Variants in DYNC2H1 observed in about 807,000 individuals in gnomAD.
The protein encoded by DYNC2H1 is dynein cytoplasmic 2 heavy chain 1.
DYNC2H1 carries 410 observed loss-of-function variants against 570.0 expected under a neutral mutation model. The ratio of observed to expected loss-of-function variants is 0.72; its 90% CI spans 0.66 to 0.78. The LOEUF (loss-of-function observed/expected upper bound fraction) is 0.78. Ranked by LOEUF, DYNC2H1 falls within the 30% of genes least tolerant of loss-of-function variation. The pLI is 0.00. For missense variants in DYNC2H1, 4,865 were observed against 5,046.4 expected (o/e 0.96, Z 1.09); for synonymous variants, 1,688 against 1,677.6 (o/e 1.01, Z -0.15).
chr11:103,187,778 C>T (rs545857903), intron 43 of DYNC2H1, among the ~76,000 whole-genome samples, 192 bp downstream of exon 43: 5 of 152,162 alleles, frequency 3.3e-5, no homozygotes, highest in South Asian at 4.1e-4. Flanking sequence ...GTTAGTATTA[C>T]GTCAGGATAA....
chr11:103,147,817 G>A lies in DYNC2H1; in HGVS notation c.2748G>A (p.Lys916=). ...DCLNINCNPV[K]TVIDDLIQKL... The stretch of plus-strand genomic sequence containing the variant: ...TAAATATTAATTGCAACCCTGTGAA[G>A]ACTGTGATTGATGATCTCATCCAGA... The change falls in exon 19 of 89, where the codon AAG becomes AAA. Residue 916 remains lysine (K), a synonymous_variant. Coordinates refer to ENST00000375735, the MANE Select transcript of DYNC2H1 (RefSeq NM_001377.3). 1.2e-6 allele frequency: 2 copies of A among 1,611,856 alleles called. No individual in the cohort carries two copies. The highest frequency in any genetic ancestry group is 2.2e-5 in the East Asian group (1 of 44,666).
intron 58 of DYNC2H1, 130 bp downstream of exon 58, chr11:103,222,283 G>T (rs756094473): frequency 8.1e-6 from 5 of 620,322 alleles, no homozygotes; most frequent in African/African-American, 1.9e-5. Context: ...AAGCTTATAG[G>T]AATTACACTT....
At chr11:103,387,344 GGTTC>G (rs1292773011) in intron 83 of DYNC2H1, among the ~76,000 whole-genome samples, 1 of 152,006 alleles carries the variant, frequency 6.6e-6, no homozygotes, top group African/African-American at 2.4e-5. Flanking sequence ...TTGTTGATGG[GGTTC>G]TTTGTTTTTC....
intron 70 of DYNC2H1, among the ~76,000 whole-genome samples, chr11:103,270,332 G>C (rs186423942): frequency 5.3e-5 from 8 of 152,132 alleles, no homozygotes; most frequent in Non-Finnish European, 1.0e-4. Flanking sequence ...ACTGTAGATA[G>C]TACCAAACCC....
Position 103,129,065 on chromosome 11 carries a change from A to G in DYNC2H1, c.1953+60A>G. The G allele has an allele frequency of 1.4e-6, 2 of 1,416,884 alleles. No homozygotes were observed. Among genetic ancestry groups the G allele is most frequent in the Non-Finnish European group, 1.9e-6 (2 of 1,032,162 alleles). 87.8% of individuals were successfully genotyped at this position (1,416,884 alleles called of 1,614,324 possible). ...TTACATGTGAAGTGTTTAATTCTTAATTTTCCGGTGTTCCCTTCAGCTTAA... is the reference window on the plus strand; with the variant it reads ...TTACATGTGAAGTGTTTAATTCTTAGTTTTCCGGTGTTCCCTTCAGCTTAA... On this transcript the variant is annotated intron_variant, in intron 13 of 88. Coordinates refer to ENST00000375735, the MANE Select transcript of DYNC2H1 (RefSeq NM_001377.3). The surrounding 1 kb of genome is among the most constrained non-coding windows in gnomAD (Gnocchi z 4.1).
At chr11:103,247,025 A>G (rs560822120) in intron 65 of DYNC2H1, among the ~76,000 whole-genome samples, 2 of 138,814 alleles carry the variant, frequency 1.4e-5, no homozygotes, top group South Asian at 2.3e-4. Context: ...TTTGTTTCCT[A>G]TGTGCTTAGG....
intron 62 of DYNC2H1, 38 bp downstream of exon 62, chr11:103,235,851 T>C (rs1864198046): frequency 6.2e-7 from 1 of 1,604,120 alleles, no homozygotes; most frequent in Non-Finnish European, 8.5e-7. Context: ...AGAGTTTGTA[T>C]TTAGTTATTC....
intron 32 of DYNC2H1, 144 bp downstream of exon 32, chr11:103,169,104 A>G (rs1251242862): frequency 1.3e-6 from 1 of 798,926 alleles, no homozygotes; most frequent in East Asian, 3.0e-5. Context: ...AATCAGAATT[A>G]GAAAGGTGTC....
chr11:103,426,225 A>G (rs1943666635), intron 84 of DYNC2H1, among the ~76,000 whole-genome samples: 1 of 152,234 alleles, frequency 6.6e-6, no homozygotes, highest in African/African-American at 2.4e-5. Flanking sequence ...ATCTATAGAA[A>G]CAATGCTTAT....
Position 103,287,558 on chromosome 11 carries a change from C to A in DYNC2H1, c.11048C>A (p.Pro3683Gln). 1 of 1,610,966 alleles carries A rather than the reference C, an allele frequency of 6.2e-7. No homozygotes were observed. The highest frequency in any genetic ancestry group is 2.2e-5 in the East Asian group (1 of 44,740). ...ATTCTTGTAGTACAGGCGCTAAGAC[C>A]GGACAGATTGCAAAGTGCCATGGCT... ...QQILVVQALR[P>Q]DRLQSAMALF... The change falls in exon 75 of 89, where the codon CCG (proline) becomes CAG (glutamine). Residue 3683 changes from proline (P) to glutamine (Q), a missense_variant. Coordinates refer to ENST00000375735, the MANE Select transcript of DYNC2H1 (RefSeq NM_001377.3).
In DYNC2H1 at chr11:103,222,079, C is replaced by T. The variant is rs1485345396; in HGVS notation, c.9157C>T (p.Arg3053Ter). 2 of 1,608,152 alleles carry T rather than the reference C, an allele frequency of 1.2e-6. No homozygotes were observed. Among genetic ancestry groups the T allele is most frequent in the Non-Finnish European group, 1.7e-6 (2 of 1,176,498 alleles). The change falls in exon 58 of 89, where the codon CGA becomes TGA. Residue 3053 changes from arginine to a stop codon, truncating the protein, a stop_gained. Coordinates refer to ENST00000375735, the MANE Select transcript of DYNC2H1 (RefSeq NM_001377.3). LOFTEE classifies it high-confidence loss of function. ...AGAAGACATAGCAACCTTTGATGCC[C>T]GAAATATTTCAAAGGAAATAAGAGA... The part of the protein sequence containing the change: ...VREDIATFDA[R>*]NISKEIRESV...
intron 70 of DYNC2H1, among the ~76,000 whole-genome samples, chr11:103,273,923 C>A (rs1050229303): frequency 1.3e-5 from 2 of 152,002 alleles, no homozygotes; most frequent in African/African-American, 4.8e-5. Flanking sequence ...ATATTATGTG[C>A]CTATTTTTTG....
intron 22 of DYNC2H1, 58 bp from the exon 23 acceptor site, chr11:103,154,389 ATACT>A: frequency 2.2e-6 from 3 of 1,394,760 alleles, no homozygotes; most frequent in Non-Finnish European, 2.9e-6. Flanking sequence ...TAACTTAATG[ATACT>A]TAACAGTATC....
At chr11:103,187,687 T>C (rs555260328) in intron 43 of DYNC2H1, 101 bp downstream of exon 43, 1 of 1,397,682 alleles carries the variant, frequency 7.2e-7, no homozygotes, top group African/African-American at 1.5e-5. Context: ...GCCAGTTTTA[T>C]CTAGCATTTG....
chr11:103,234,044 A>G lies in DYNC2H1; in HGVS notation c.9451A>G (p.Arg3151Gly), dbSNP rs1375999872. 2 of 1,555,590 alleles carry G rather than the reference A, an allele frequency of 1.3e-6. No homozygotes were observed. The highest frequency in any genetic ancestry group is 1.7e-6 in the Non-Finnish European group (2 of 1,148,748). ...TTAATGTTTACATAGATTTCAGAGC[A>G]GGACTTCAGAAGCTGCCAAACTTGA... is the stretch of plus-strand genomic sequence containing the variant. Reference protein sequence around the residue: ...VSELKEKFQSRTSEAAKLEAE... With the variant: ...VSELKEKFQSGTSEAAKLEAE... The change falls in exon 61 of 89, where the codon AGG becomes GGG. Residue 3151 changes from arginine to glycine, a missense_variant. By Grantham distance (125) the Arg-to-Gly change is moderately radical (BLOSUM62 -2). Transcript: ENST00000375735.
rs1478781610 is a variant in DYNC2H1 at position 103,205,229 on chromosome 11, T to G, written c.8454+265T>G. 6.6e-6 allele frequency among the ~76,000 whole-genome samples: 1 copy of G among 152,150 alleles called. No homozygotes were observed. The highest frequency in any genetic ancestry group is 1.5e-5 in the Non-Finnish European group (1 of 68,022). On this transcript the variant is annotated intron_variant, in intron 52 of 88. Coordinates refer to ENST00000375735, the MANE Select transcript of DYNC2H1 (RefSeq NM_001377.3). The surrounding 1 kb of genome is among the most constrained non-coding windows in gnomAD (Gnocchi z 4.5). Reference sequence around the variant, plus strand: ...TTTATGGCTTTAATTAACTAGCCTATTACAGGCTGTCCTAGATTTTTAAAA... The same window carrying G: ...TTTATGGCTTTAATTAACTAGCCTAGTACAGGCTGTCCTAGATTTTTAAAA...
At chr11:103,377,502 T>C (rs1489976636) in intron 83 of DYNC2H1, among the ~76,000 whole-genome samples, 3 of 152,126 alleles carry the variant, frequency 2.0e-5, no homozygotes, top group African/African-American at 7.2e-5. Context: ...AATATTCTTA[T>C]TAAATAAGCA....
chr11:103,356,663 G>C (rs984449611), intron 82 of DYNC2H1, among the ~76,000 whole-genome samples: 1 of 152,078 alleles, frequency 6.6e-6, no homozygotes, highest in Non-Finnish European at 1.5e-5. Context: ...GGTTCAGCTA[G>C]AGCAAATGAA....
chr11:103,319,064 A>G lies in DYNC2H1; in HGVS notation c.11726-1965A>G, dbSNP rs751230585. Reference sequence around the variant, plus strand: ...GCTTTTGAATATTTATTTGACTTTTATAATACCACTATGAGGCTATTAGTG... The same window carrying G: ...GCTTTTGAATATTTATTTGACTTTTGTAATACCACTATGAGGCTATTAGTG... On this transcript the variant is annotated intron_variant, in intron 80 of 88. Transcript: ENST00000375735. This position sits in a 1 kb window ranked among gnomAD's most constrained non-coding sequence, Gnocchi z 4.3. Among the ~76,000 whole-genome samples, 1 of 152,054 alleles carries G rather than the reference A, an allele frequency of 6.6e-6. No individual in the cohort carries two copies. The highest frequency in any genetic ancestry group is 1.5e-5 in the Non-Finnish European group (1 of 67,966).
Sources: allele counts gnomAD v4.1 joint callset (sites outside exome capture counted in the v4.1 genomes callset), GRCh38; gene constraint gnomAD v4.1.1; non-coding constraint Gnocchi (gnomAD v3.1); transcripts MANE v1.5; gene names NCBI Gene and HGNC (gene_info 2026-07-23, HGNC 2026-07-21).